Variants in CACNG7 observed in about 807,000 individuals in gnomAD.
CACNG7 encodes the protein voltage-dependent calcium channel gamma-7 subunit.
In CACNG7, 9 loss-of-function variants were observed where a neutral mutation model predicts 26.3. The ratio of observed to expected loss-of-function variants is 0.34; its 90% CI spans 0.21 to 0.60. The LOEUF (loss-of-function observed/expected upper bound fraction) is 0.60. Ranked by LOEUF, CACNG7 falls within the 20% of genes least tolerant of loss-of-function variation. The probability of loss-of-function intolerance (pLI) is 0.81; values close to 1 mark genes in which losing one functional copy is unlikely to be tolerated. For missense variants in CACNG7, 297 were observed against 380.4 expected, an observed-to-expected ratio of 0.78 and a Z score of 1.82; for synonymous variants, 170 against 157.0, an observed-to-expected ratio of 1.08 and a Z score of -0.62.
At chr19:53,918,504 A>C (rs942113572) in intron 4 of CACNG7, among the ~76,000 whole-genome samples, 2 of 152,126 alleles carry the variant, frequency 1.3e-5, no homozygotes, top group Non-Finnish European at 2.9e-5. Context: ...TAATAGGTAA[A>C]AATCCTGCTT....
At position 53,939,026 on chromosome 19, in the gene CACNG7, G is replaced by A. The variant is rs2069122128; in HGVS notation, c.425-2444G>A. On this transcript the variant is annotated intron_variant, in intron 4 of 5. Coordinates refer to ENST00000391767, the MANE Select transcript of CACNG7 (RefSeq NM_031896.5). The surrounding 1 kb of genome is among the most constrained non-coding windows in gnomAD (Gnocchi z 4.2). ...AATCCCAGCACTTTGGGAGGCCAAG[G>A]TGGGCAGATCACTTAAGGTCAGGAG... Among the ~76,000 whole-genome samples, 1 of 151,986 alleles carries A rather than the reference G, an allele frequency of 6.6e-6. No homozygotes were observed. Among genetic ancestry groups the A allele is most frequent in the African/African-American group, 2.4e-5 (1 of 41,360 alleles).
At position 53,909,782 on chromosome 19, in the gene CACNG7, C is replaced by T. The variant is rs1247735151; in HGVS notation, c.-30+265C>T. Among the ~76,000 whole-genome samples the T allele has an allele frequency of 1.3e-5, 2 of 151,810 alleles. No homozygotes were observed. The highest frequency in any genetic ancestry group is 4.8e-5 in the African/African-American group (2 of 41,314). On this transcript the variant is annotated intron_variant, in intron 1 of 5. Transcript: ENST00000391767. The surrounding 1 kb of genome is among the most constrained non-coding windows in gnomAD (Gnocchi z 5.1). ...AGCGTGGGCTGGGGAGGGCAGAGGC[C>T]GGGTCCCTGAGGAAGGCGAGGTACG...
intron 4 of CACNG7, among the ~76,000 whole-genome samples, chr19:53,921,428 T>A (rs1447040033): frequency 2.5e-4 from 36 of 144,236 alleles, no homozygotes; most frequent in African/African-American, 9.7e-4. Context: ...TGCCCCAGGC[T>A]GGTCATTGGT....
At chr19:53,911,146 A>C (rs2068859609) in intron 1 of CACNG7, among the ~76,000 whole-genome samples, 1 of 151,612 alleles carries the variant, frequency 6.6e-6, no homozygotes. Context: ...GGCTCACTGC[A>C]ACCTTGCCTC....
chr19:53,930,291 C>T (rs2069062848), intron 4 of CACNG7, among the ~76,000 whole-genome samples: 1 of 151,934 alleles, frequency 6.6e-6, no homozygotes. Flanking sequence ...TCACTGCAAC[C>T]TCTGCCCCCT....
intron 4 of CACNG7, among the ~76,000 whole-genome samples, chr19:53,928,229 G>T (rs1459286160): frequency 6.6e-6 from 1 of 152,036 alleles, no homozygotes; most frequent in Non-Finnish European, 1.5e-5. Flanking sequence ...TTTCTCATCA[G>T]ACCCTGGTCC....
At chr19:53,926,682 G>A (rs937409307) in intron 4 of CACNG7, among the ~76,000 whole-genome samples, 2 of 152,278 alleles carry the variant, frequency 1.3e-5, no homozygotes, top group East Asian at 1.9e-4. Context: ...AGAGGCCAAG[G>A]TGGGTGGATC....
chr19:53,916,362 C>T (rs1377340769), intron 4 of CACNG7, among the ~76,000 whole-genome samples: 1 of 70,054 alleles, frequency 1.4e-5, no homozygotes, highest in Non-Finnish European at 2.2e-5. Flanking sequence ...CCCAGAATTG[C>T]ATAGAGAGTT....
At chr19:53,921,991 C>T (rs77001796) in intron 4 of CACNG7, among the ~76,000 whole-genome samples, 58 of 41,352 alleles carry the variant, frequency 1.4e-3, no homozygotes, top group African/African-American at 2.0e-3. Flanking sequence ...TTGCCCCAGG[C>T]CTGGTCATTG....
chr19:53,923,814 G>C (rs868700022), intron 4 of CACNG7, among the ~76,000 whole-genome samples: 89 of 108,964 alleles, frequency 8.2e-4, no homozygotes, highest in African/African-American at 4.0e-3. Context: ...CATTGGTGGA[G>C]TTGCCCCAGG....
chr19:53,928,417 G>A (rs530687566), intron 4 of CACNG7, among the ~76,000 whole-genome samples: 21 of 151,916 alleles, frequency 1.4e-4, no homozygotes, highest in African/African-American at 4.8e-4. Flanking sequence ...GATTACAAAC[G>A]TGCACCACCA....
intron 4 of CACNG7, among the ~76,000 whole-genome samples, chr19:53,923,146 C>A (rs376235816): frequency 1.9e-5 from 1 of 53,116 alleles, no homozygotes. Flanking sequence ...GGTGGAGTTG[C>A]CCCAGGTCTG....
intron 4 of CACNG7, among the ~76,000 whole-genome samples, chr19:53,931,685 T>TAAAAAAAA (rs747430354): frequency 4.5e-5 from 2 of 44,942 alleles, no homozygotes; most frequent in African/African-American, 7.0e-5. Flanking sequence ...AGACTCTGTC[T>TAAAAAAAA]AAAAAAAAAA....
At chr19:53,922,964 T>C (rs1229050585) in intron 4 of CACNG7, among the ~76,000 whole-genome samples, 1 of 80,850 alleles carries the variant, frequency 1.2e-5, no homozygotes, top group Non-Finnish European at 2.1e-5. Flanking sequence ...TTGCCCCAGG[T>C]CTGGTCATTG....
At position 53,912,731 on chromosome 19, in the gene CACNG7, C is replaced by T. The variant is rs13346436; in HGVS notation, c.-29-72C>T. ...GTGTCTCTGGCTAGGGCCCAGCATC[C>T]CGGGTTGCTGCATGGGGTCAAGCAC... On this transcript the variant is annotated intron_variant, in intron 1 of 5. Transcript: ENST00000391767. This position sits in a 1 kb window ranked among gnomAD's most constrained non-coding sequence, Gnocchi z 4.6. 7.1e-3 allele frequency: 8,755 copies of T among 1,230,252 alleles called. 464 individuals carry two copies. The African/African-American group carries it at 0.12, about 16-fold the overall frequency. 76.2% of individuals were successfully genotyped at this position (1,230,252 alleles called of 1,614,324 possible).
intron 4 of CACNG7, among the ~76,000 whole-genome samples, chr19:53,925,217 G>GT (rs1204155563): frequency 7.0e-6 from 1 of 142,290 alleles, no homozygotes; most frequent in South Asian, 2.2e-4. Flanking sequence ...CTTGCCCCAG[G>GT]CTGGTCATTG....
intron 4 of CACNG7, among the ~76,000 whole-genome samples, chr19:53,930,707 C>A (rs1422692615): frequency 6.6e-6 from 1 of 151,668 alleles, no homozygotes. Flanking sequence ...GGTGTTTCAC[C>A]ATGTTGGCCA....
intron 4 of CACNG7, among the ~76,000 whole-genome samples, chr19:53,923,961 T>C (rs111595283): frequency 9.7e-5 from 12 of 123,986 alleles, no homozygotes; most frequent in African/African-American, 3.0e-4. Context: ...TGTCCCCAGG[T>C]CTGGTATTGG....
At chr19:53,938,432 G>A (rs558708272) in intron 4 of CACNG7, among the ~76,000 whole-genome samples, 2 of 152,078 alleles carry the variant, frequency 1.3e-5, no homozygotes, top group Admixed American at 6.6e-5. Flanking sequence ...GGCAGGTACC[G>A]GACCATTTAT....
Sources: allele counts gnomAD v4.1 joint callset (sites outside exome capture counted in the v4.1 genomes callset), GRCh38; gene constraint gnomAD v4.1.1; non-coding constraint Gnocchi (gnomAD v3.1); transcripts MANE v1.5; gene names NCBI Gene and HGNC (gene_info 2026-07-23, HGNC 2026-07-21).